The following RIPOR3 variants were observed in gnomAD, a reference collection of about 807,000 sequenced individuals.
RIPOR3 encodes the protein RIPOR family member 3.
A neutral mutation model predicts 114.3 loss-of-function variants in RIPOR3; 95 were observed. The ratio of observed to expected loss-of-function variants is 0.83; its 90% CI spans 0.70 to 0.99. RIPOR3 has a LOEUF of 0.99. RIPOR3 is among the 50% of genes least tolerant of loss of function. The pLI, the probability that RIPOR3 is intolerant of heterozygous loss-of-function variation, is 0.00. For missense variants in RIPOR3, 1,252 were observed against 1,266.9 expected, an observed-to-expected ratio of 0.99 and a Z score of 0.18; for synonymous variants, 575 against 543.8, an observed-to-expected ratio of 1.06 and a Z score of -0.80.
At chr20:50,598,516 AT>A (rs1326578708) in intron 13 of RIPOR3, among the ~76,000 whole-genome samples, 7 of 152,150 alleles carry the variant, frequency 4.6e-5, no homozygotes, top group Admixed American at 2.0e-4. Context: ...CAAAGAGAAA[AT>A]CTTGAGGACG....
intron 6 of RIPOR3, among the ~76,000 whole-genome samples, chr20:50,610,073 T>C (rs1348738810): frequency 1.3e-5 from 1 of 75,508 alleles, no homozygotes; most frequent in African/African-American, 6.3e-5. Context: ...CACCCCTGCC[T>C]CACCTGCCAC....
intron 1 of RIPOR3, among the ~76,000 whole-genome samples, chr20:50,642,599 C>T (rs532160001): frequency 4.6e-5 from 7 of 151,382 alleles, no homozygotes; most frequent in Admixed American, 3.9e-4. Flanking sequence ...TCTCCCCCCT[C>T]CCCCCATGAG....
chr20:50,617,133 T>C (rs1186974169), intron 3 of RIPOR3, among the ~76,000 whole-genome samples: 1 of 152,000 alleles, frequency 6.6e-6, no homozygotes, highest in Non-Finnish European at 1.5e-5. Flanking sequence ...AGAGCGAGAC[T>C]TCATTCCAAA....
intron 1 of RIPOR3, among the ~76,000 whole-genome samples, chr20:50,666,181 C>CTTTTCTTTT (rs2086185279): frequency 6.7e-5 from 1 of 14,926 alleles, no homozygotes; most frequent in African/African-American, 9.2e-5. Context: ...GAAAGGACAC[C>CTTTTCTTTT]CATTTCTTTT....
chr20:50,637,039 G>T, intron 1 of RIPOR3: 2 of 544,314 alleles, frequency 3.7e-6, no homozygotes, highest in Non-Finnish European at 4.7e-6. Context: ...TGGCAAAATA[G>T]CCCAGGAAGA....
chr20:50,590,006 T>C, intron 19 of RIPOR3: 1 of 419,908 alleles, frequency 2.4e-6, no homozygotes, highest in Non-Finnish European at 4.4e-6. Flanking sequence ...TGAAGAAAGC[T>C]ATTTTTGTCT....
At chr20:50,671,488 C>T (rs2086494792) in intron 1 of RIPOR3, among the ~76,000 whole-genome samples, 1 of 152,158 alleles carries the variant, frequency 6.6e-6, no homozygotes, top group African/African-American at 2.4e-5. Flanking sequence ...TGCTTTGACA[C>T]AGCAAGCTGC....
In RIPOR3 at chr20:50,647,714, C is replaced by A. The variant is rs978322873; in HGVS notation, c.4-16858G>T. ...AGCCAGGATGGTCTCGATCTCCTGACCTCGTGATCCACCCGCCTCGGCCTC... is the reference window on the plus strand; with the variant it reads ...AGCCAGGATGGTCTCGATCTCCTGAACTCGTGATCCACCCGCCTCGGCCTC... On this transcript the variant is annotated intron_variant, in intron 1 of 21. Transcript: ENST00000327979. Among the ~76,000 whole-genome samples the A allele has an allele frequency of 5.3e-5, 8 of 151,472 alleles. No individual in the cohort carries two copies. The East Asian group carries it at 1.6e-3, about 31-fold the overall frequency.
At chr20:50,625,973 G>A (rs2084604135) in intron 2 of RIPOR3, among the ~76,000 whole-genome samples, 1 of 152,232 alleles carries the variant, frequency 6.6e-6, no homozygotes, top group African/African-American at 2.4e-5. Context: ...GGGTTTCAAG[G>A]TGCCAGAGTA....
chr20:50,645,842 G>A (rs1403985052), intron 1 of RIPOR3: 2 of 152,290 alleles, frequency 1.3e-5, no homozygotes, highest in Non-Finnish European at 2.9e-5. Flanking sequence ...AGCACGGGAA[G>A]TGGTCAAGGG....
At chr20:50,595,230 G>A in intron 16 of RIPOR3, 139 bp downstream of exon 16, 1 of 1,148,536 alleles carries the variant, frequency 8.7e-7, no homozygotes, top group East Asian at 2.4e-5. Context: ...GTGTATCTCT[G>A]AGCCCAGCCC....
Position 50,589,729 on chromosome 20 carries a change from G to A in RIPOR3, c.2618C>T (p.Ala873Val), listed in dbSNP as rs1425109935. 6.2e-6 allele frequency: 10 copies of A among 1,613,934 alleles called. No individual in the cohort carries two copies. The highest frequency in any genetic ancestry group is 8.5e-6 in the Non-Finnish European group (10 of 1,179,876). ...TAGGCATGCGGCCTGCTGGAGCCTT[G>A]CGTCGTTCTCTGCCAGGGCGTTGGT... ...FYTNALAEND[A>V]RLQQAACLAL... The change falls in exon 20 of 22, where the codon GCA becomes GTA. Residue 873 changes from alanine (A) to valine (V), a missense_variant. Ala to Val is a moderately conservative substitution (Grantham distance 64). Transcript: ENST00000327979.
chr20:50,649,681 G>A (rs2085533637), intron 1 of RIPOR3, among the ~76,000 whole-genome samples: 1 of 152,116 alleles, frequency 6.6e-6, no homozygotes, highest in Non-Finnish European at 1.5e-5. Flanking sequence ...GCTTAATGAG[G>A]TGAGGTTCGC....
intron 13 of RIPOR3, among the ~76,000 whole-genome samples, 173 bp downstream of exon 13, chr20:50,601,899 T>A (rs1171111203): frequency 2.6e-5 from 4 of 152,200 alleles, no homozygotes; most frequent in Non-Finnish European, 4.4e-5. Context: ...AGGGCTGTTG[T>A]TATCCCCGCT....
intron 4 of RIPOR3, among the ~76,000 whole-genome samples, chr20:50,613,246 G>C (rs1340892516): frequency 6.6e-6 from 1 of 152,002 alleles, no homozygotes; most frequent in Non-Finnish European, 1.5e-5. Flanking sequence ...TCAGGAGTTG[G>C]AGACCAGCCT....
intron 13 of RIPOR3, among the ~76,000 whole-genome samples, chr20:50,600,113 GGCT>G (rs1479250243): frequency 6.6e-6 from 1 of 152,170 alleles, no homozygotes; most frequent in East Asian, 1.9e-4. Flanking sequence ...ATGTTGGCCA[GGCT>G]GCTGTTGAAC....
chr20:50,676,669 C>A (rs1410737094), intron 1 of RIPOR3, among the ~76,000 whole-genome samples: 1 of 151,772 alleles, frequency 6.6e-6, no homozygotes, highest in Non-Finnish European at 1.5e-5. Flanking sequence ...AATAAAAAAA[C>A]CCACAGGTGA....
chr20:50,587,734 G>T, intron 21 of RIPOR3, 68 bp downstream of exon 21: 1 of 1,471,606 alleles, frequency 6.8e-7, no homozygotes, highest in Non-Finnish European at 9.5e-7. Context: ...AGAGCTGGGT[G>T]TGGCCTCTCG....
At position 50,649,414 on chromosome 20, in the gene RIPOR3, C is replaced by T. The variant is rs866127965; in HGVS notation, c.4-18558G>A. Among the ~76,000 whole-genome samples the T allele has an allele frequency of 6.6e-5, 10 of 152,280 alleles. No individual in the cohort carries two copies. The South Asian group carries it at 2.1e-3, about 32-fold the overall frequency. ...GGGCTGAGATCATGCCATTGCACTC[C>T]AACCTGGCTACAGAGCAAGCCATCT... On this transcript the variant is annotated intron_variant, in intron 1 of 21. Coordinates refer to ENST00000327979, the MANE Select transcript of RIPOR3 (RefSeq NM_001290268.2).
Sources: allele counts gnomAD v4.1 joint callset (sites outside exome capture counted in the v4.1 genomes callset), GRCh38; gene constraint gnomAD v4.1.1; transcripts MANE v1.5; gene names NCBI Gene and HGNC (gene_info 2026-07-23, HGNC 2026-07-21).